DSCAM: variants seen among roughly 807,000 people sequenced by gnomAD.
The protein encoded by DSCAM is cell adhesion molecule DSCAM.
A neutral mutation model predicts 217.7 loss-of-function variants in DSCAM; 47 were observed. The observed-to-expected ratio is 0.22, with a 90% CI of 0.17 to 0.28. The LOEUF is 0.28. Among genes scored for constraint, DSCAM ranks in the 10% least tolerant of loss-of-function variants. DSCAM has a pLI of 1.00. For missense variants in DSCAM, 2,080 were observed against 2,618.3 expected (o/e 0.79, Z 4.49); for synonymous variants, 1,056 against 1,015.3 (o/e 1.04, Z -0.76).
chr21:40,570,670 A>C (rs2076799153), intron 3 of DSCAM, among the ~76,000 whole-genome samples: 1 of 152,224 alleles, frequency 6.6e-6, no homozygotes, highest in African/African-American at 2.4e-5. Context: ...GAAGAACTAC[A>C]GCATGGGAAG....
intron 3 of DSCAM, among the ~76,000 whole-genome samples, chr21:40,570,648 G>A (rs574135553): frequency 3.3e-5 from 5 of 152,292 alleles, no homozygotes; most frequent in Middle Eastern, 3.4e-3. Flanking sequence ...ATACTGACAC[G>A]TGTGAACAGG....
At chr21:40,437,537 T>C (rs1372832059) in intron 3 of DSCAM, among the ~76,000 whole-genome samples, 2 of 152,086 alleles carry the variant, frequency 1.3e-5, no homozygotes, top group African/African-American at 4.8e-5. Context: ...TTAAATAACT[T>C]ACTCAAGTTC....
intron 1 of DSCAM, among the ~76,000 whole-genome samples, chr21:40,817,375 C>T (rs1445178857): frequency 6.6e-6 from 1 of 152,154 alleles, no homozygotes; most frequent in Non-Finnish European, 1.5e-5. Flanking sequence ...GTTATTTTCC[C>T]TTGACTGACA....
intron 3 of DSCAM, among the ~76,000 whole-genome samples, chr21:40,547,100 G>A (rs924140089): frequency 5.9e-5 from 9 of 152,100 alleles, no homozygotes; most frequent in Non-Finnish European, 8.8e-5. Context: ...AATCCTCACC[G>A]TCCTCTCTGT....
chr21:40,138,873 A>T (rs1229417534), intron 18 of DSCAM, among the ~76,000 whole-genome samples: 1 of 115,246 alleles, frequency 8.7e-6, no homozygotes, highest in East Asian at 2.9e-4. Flanking sequence ...GTGCATGTAT[A>T]TGTGGGGTGT....
intron 32 of DSCAM, among the ~76,000 whole-genome samples, chr21:40,018,615 G>A (rs761896816): frequency 3.3e-5 from 5 of 152,128 alleles, no homozygotes; most frequent in Admixed American, 1.3e-4. Flanking sequence ...TTGTGGTCCC[G>A]GCTGGACTGC....
At chr21:40,257,142 G>C (rs2073383229) in intron 11 of DSCAM, among the ~76,000 whole-genome samples, 1 of 152,130 alleles carries the variant, frequency 6.6e-6, no homozygotes, top group Non-Finnish European at 1.5e-5. Context: ...TTGTTTCTTG[G>C]TATCTTTGGG....
chr21:40,063,710 T>G (rs990525618), intron 27 of DSCAM, among the ~76,000 whole-genome samples: 2 of 152,204 alleles, frequency 1.3e-5, no homozygotes, highest in African/African-American at 2.4e-5. Flanking sequence ...CAGCTGACAG[T>G]GTGACCAGCT....
intron 10 of DSCAM, among the ~76,000 whole-genome samples, chr21:40,288,521 C>T (rs60764668): frequency 0.029 from 4,463 of 152,172 alleles, 103 homozygotes; most frequent in East Asian, 0.081. Context: ...TCAAAACAGA[C>T]ATTAAAATAG....
intron 3 of DSCAM, among the ~76,000 whole-genome samples, chr21:40,384,398 A>G (rs1325553905): frequency 6.6e-6 from 1 of 152,110 alleles, no homozygotes; most frequent in Non-Finnish European, 1.5e-5. Flanking sequence ...ATCAGAGGTC[A>G]GGAGTTAGAG....
chr21:40,385,078 CTTTTT>C (rs2075069608), intron 3 of DSCAM: 1 of 152,074 alleles, frequency 6.6e-6, no homozygotes, highest in Admixed American at 6.6e-5. Context: ...CCAGTTTCGA[CTTTTT>C]ATTTTATTAC....
intron 11 of DSCAM, among the ~76,000 whole-genome samples, chr21:40,203,836 A>G (rs2091096503): frequency 6.6e-6 from 1 of 152,246 alleles, no homozygotes; most frequent in Non-Finnish European, 1.5e-5. Flanking sequence ...ATTGTAAGAA[A>G]AAAAGTGTTA....
chr21:40,237,058 G>A (rs1454536111), intron 11 of DSCAM, among the ~76,000 whole-genome samples: 1 of 152,150 alleles, frequency 6.6e-6, no homozygotes, highest in Admixed American at 6.5e-5. Flanking sequence ...AACAAACACT[G>A]CAACAAAGCT....
chr21:40,360,328 G>T (rs2074747899), intron 4 of DSCAM, among the ~76,000 whole-genome samples: 1 of 151,612 alleles, frequency 6.6e-6, no homozygotes, highest in South Asian at 2.1e-4. Context: ...TAGAGGCGGG[G>T]TTTCACCGTG....
chr21:40,203,028 A>T (rs1432043550), intron 11 of DSCAM, among the ~76,000 whole-genome samples: 1 of 152,222 alleles, frequency 6.6e-6, no homozygotes, highest in Non-Finnish European at 1.5e-5. Flanking sequence ...TACCTACAGC[A>T]ATCCTAGGAA....
chr21:40,044,405 C>T (rs756447552), intron 30 of DSCAM, 130 bp from the exon 31 acceptor site: 21 of 846,036 alleles, frequency 2.5e-5, no homozygotes, highest in Non-Finnish European at 3.5e-5. Flanking sequence ...ACTTCCTTGA[C>T]TTCTCCTGTG....
At chr21:40,056,381 C>G (rs1030437871) in intron 28 of DSCAM, among the ~76,000 whole-genome samples, 1 of 152,142 alleles carries the variant, frequency 6.6e-6, no homozygotes, top group African/African-American at 2.4e-5. Flanking sequence ...GTTTTCCTAA[C>G]TGATAGTACA....
chr21:40,122,448 C>T (rs981313766), intron 20 of DSCAM, among the ~76,000 whole-genome samples: 4 of 152,212 alleles, frequency 2.6e-5, no homozygotes, highest in South Asian at 2.1e-4. Flanking sequence ...AATACTAATA[C>T]AGATGCAATT....
chr21:40,619,183 T>A (rs1396268683), intron 3 of DSCAM, among the ~76,000 whole-genome samples: 1 of 152,144 alleles, frequency 6.6e-6, no homozygotes, highest in Non-Finnish European at 1.5e-5. Context: ...GAAGTAAACT[T>A]TAAGTGAAGT....
Sources: gnomAD v4.1 joint callset for allele counts (sites outside exome capture counted in the v4.1 genomes callset) on GRCh38, gnomAD v4.1.1 for gene constraint, MANE v1.5 for transcripts, NCBI Gene and HGNC (gene_info 2026-07-23, HGNC 2026-07-21) for gene names.